The following FMN1 variants were observed in gnomAD, a reference collection of about 807,000 sequenced individuals.
FMN1 encodes the protein formin 1, also known as formin-1.
In FMN1, 110 loss-of-function variants were observed where a neutral mutation model predicts 132.4. The observed-to-expected ratio is 0.83, with a 90% CI of 0.71 to 0.97. FMN1 has a LOEUF of 0.97. FMN1 is among the 50% of genes least tolerant of loss of function. The pLI, the probability that FMN1 is intolerant of heterozygous loss-of-function variation, is 0.00. For synonymous variants in FMN1, 722 were observed against 651.7 expected, an observed-to-expected ratio of 1.11 and a Z score of -1.64; for missense variants, 1,792 against 1,705.3, an observed-to-expected ratio of 1.05 and a Z score of -0.90.
chr15:33,189,174 T>C (rs1008946710), intron 2 of FMN1, among the ~76,000 whole-genome samples: 142 of 152,292 alleles, frequency 9.3e-4, no homozygotes, highest in Non-Finnish European at 1.3e-3. Context: ...ATGTGTGATA[T>C]GTTTTATTCA....
chr15:32,924,972 G>T (rs932365669), intron 10 of FMN1, among the ~76,000 whole-genome samples: 1 of 152,124 alleles, frequency 6.6e-6, no homozygotes, highest in Non-Finnish European at 1.5e-5. Context: ...TAATTAATTA[G>T]TGAGAAAGGG....
chr15:32,937,966 T>C (rs2061316937), intron 9 of FMN1, among the ~76,000 whole-genome samples: 1 of 152,230 alleles, frequency 6.6e-6, no homozygotes, highest in Admixed American at 6.5e-5. Flanking sequence ...GACTTTGATA[T>C]ACACTTAGAT....
At chr15:33,035,378 C>T (rs917590941) in intron 6 of FMN1, among the ~76,000 whole-genome samples, 39 of 152,126 alleles carry the variant, frequency 2.6e-4, no homozygotes, top group African/African-American at 8.5e-4. Context: ...TATCTACATT[C>T]GATAGACCCC....
At chr15:33,019,808 G>C (rs1403319622) in intron 6 of FMN1, among the ~76,000 whole-genome samples, 1 of 152,198 alleles carries the variant, frequency 6.6e-6, no homozygotes, top group Non-Finnish European at 1.5e-5. Context: ...CGGACCTCTA[G>C]CTGGCCCGCA....
chr15:33,085,322 G>A (rs1195502850), intron 5 of FMN1, among the ~76,000 whole-genome samples: 3 of 151,934 alleles, frequency 2.0e-5, no homozygotes. Context: ...TAAACATATA[G>A]GAGTCAAATC....
chr15:32,882,765 G>A (rs2059801189), intron 16 of FMN1, among the ~76,000 whole-genome samples: 1 of 152,060 alleles, frequency 6.6e-6, no homozygotes, highest in East Asian at 1.9e-4. Context: ...AAAAGTATTG[G>A]GCCTCCTGAA....
chr15:32,976,277 G>A lies in FMN1; in HGVS notation c.2224-6800C>T, dbSNP rs576518202. On this transcript the variant is annotated intron_variant, in intron 7 of 20. Coordinates refer to ENST00000616417, the MANE Select transcript of FMN1 (RefSeq NM_001277313.2). ...CTTTGTCACCTCTGAAAAGTGCAGC[G>A]TGAGCAGAAGAAAGGAAAGGAAAGT... is the stretch of plus-strand genomic sequence containing the variant. Among the ~76,000 whole-genome samples, 13 of 152,234 alleles carry A rather than the reference G, an allele frequency of 8.5e-5. No individual in the cohort carries two copies. The East Asian group carries it at 1.7e-3, about 20-fold the overall frequency.
intron 7 of FMN1, among the ~76,000 whole-genome samples, chr15:32,984,922 A>AC (rs1403611170): frequency 7.4e-6 from 1 of 134,920 alleles, no homozygotes; most frequent in Non-Finnish European, 1.6e-5. Flanking sequence ...GTCTTCTTTC[A>AC]CCCCTACCTA....
intron 4 of FMN1, among the ~76,000 whole-genome samples, chr15:33,090,635 AG>A (rs984528061): frequency 6.6e-6 from 1 of 150,792 alleles, no homozygotes; most frequent in Non-Finnish European, 1.5e-5. Flanking sequence ...CAGATCCCTT[AG>A]AACAAAGTGC....
In FMN1 at chr15:33,018,647, G is replaced by A. The variant is rs143458555; in HGVS notation, c.2162-10572C>T. ...CTGTATCCTTTGTACCATTGTGTCC[G>A]GAATTGGTGTGTTCTTGGTCTCACT... On this transcript the variant is annotated intron_variant, in intron 6 of 20. Transcript: ENST00000616417. Among the ~76,000 whole-genome samples, 173 of 152,246 alleles carry A rather than the reference G, an allele frequency of 1.1e-3. 6 individuals are homozygous for A. The highest frequency in any genetic ancestry group is 1.2e-3 in the East Asian group (6 of 5,188).
At chr15:33,124,394 C>T (rs577218651) in intron 4 of FMN1, among the ~76,000 whole-genome samples, 34 of 152,262 alleles carry the variant, frequency 2.2e-4, no homozygotes, top group African/African-American at 8.2e-4. Context: ...GTACATTTCA[C>T]CCCCCTTGCC....
chr15:33,139,739 A>G (rs1963928955), intron 4 of FMN1, among the ~76,000 whole-genome samples: 1 of 152,214 alleles, frequency 6.6e-6, no homozygotes, highest in Non-Finnish European at 1.5e-5. Flanking sequence ...AAGTCAGAAG[A>G]TCCGGCATAT....
At chr15:32,774,724 G>C (rs2056358937) in intron 20 of FMN1, among the ~76,000 whole-genome samples, 1 of 151,976 alleles carries the variant, frequency 6.6e-6, no homozygotes, top group Admixed American at 6.6e-5. Context: ...GATGGAATTA[G>C]AGAATGCCCA....
chr15:32,971,490 A>G (rs2031788049), intron 7 of FMN1, among the ~76,000 whole-genome samples: 1 of 152,134 alleles, frequency 6.6e-6, no homozygotes, highest in African/African-American at 2.4e-5. Flanking sequence ...TTGTTTCAAC[A>G]TCGTATCATT....
intron 10 of FMN1, 138 bp downstream of exon 10, chr15:32,926,036 T>C (rs1045761102): frequency 7.2e-6 from 4 of 555,444 alleles, no homozygotes; most frequent in Non-Finnish European, 1.3e-5. Context: ...CAAGAGTGAG[T>C]TGATGGTTCT....
chr15:33,189,227 G>A (rs535188928), intron 2 of FMN1, among the ~76,000 whole-genome samples: 1 of 152,246 alleles, frequency 6.6e-6, no homozygotes, highest in Non-Finnish European at 1.5e-5. Flanking sequence ...GGAAAGCCCG[G>A]CTAGTCTCCT....
chr15:32,802,447 A>C (rs2057512056), intron 18 of FMN1, among the ~76,000 whole-genome samples: 1 of 152,234 alleles, frequency 6.6e-6, no homozygotes, highest in Non-Finnish European at 1.5e-5. Context: ...ATAAGAATTC[A>C]CTAATCTCAC....
intron 17 of FMN1, among the ~76,000 whole-genome samples, chr15:32,843,819 A>G (rs1405405021): frequency 6.6e-6 from 1 of 152,228 alleles, no homozygotes; most frequent in Non-Finnish European, 1.5e-5. Flanking sequence ...CAGGACTGGC[A>G]CTTCACTTCT....
chr15:32,870,412 C>G (rs1244825176), intron 16 of FMN1, among the ~76,000 whole-genome samples: 1 of 152,110 alleles, frequency 6.6e-6, no homozygotes, highest in Admixed American at 6.5e-5. Context: ...GGGAGGCTGC[C>G]CAAGATCAAA....
Sources: allele counts gnomAD v4.1 joint callset (sites outside exome capture counted in the v4.1 genomes callset), GRCh38; gene constraint gnomAD v4.1.1; transcripts MANE v1.5; gene names NCBI Gene and HGNC (gene_info 2026-07-23, HGNC 2026-07-21).